The following ULK4 variants were observed in gnomAD, a reference collection of about 807,000 sequenced individuals.
ULK4 encodes unc-51 like kinase 4.
A neutral mutation model predicts 160.6 loss-of-function variants in ULK4; 133 were observed. That is an observed-to-expected ratio of 0.83 (90% CI 0.72 to 0.96). The LOEUF (loss-of-function observed/expected upper bound fraction) is 0.96. Among genes scored for constraint, ULK4 ranks in the 40% least tolerant of loss-of-function variants. The pLI, the probability that ULK4 is intolerant of heterozygous loss-of-function variation, is 0.00. For missense variants in ULK4, 1,580 were observed against 1,499.5 expected, an observed-to-expected ratio of 1.05 and a Z score of -0.89; for synonymous variants, 534 against 539.8, an observed-to-expected ratio of 0.99 and a Z score of 0.15.
intron 31 of ULK4, among the ~76,000 whole-genome samples, chr3:41,585,199 A>G (rs58272131): frequency 0.013 from 2,006 of 152,226 alleles, 48 homozygotes; most frequent in African/African-American, 0.047. Context: ...AAAAGACCTA[A>G]AAAAGCCAAA....
At chr3:41,756,981 T>A (rs1432572149) in intron 21 of ULK4, among the ~76,000 whole-genome samples, 1 of 152,080 alleles carries the variant, frequency 6.6e-6, no homozygotes, top group African/African-American at 2.4e-5. Context: ...AAGAACAAAA[T>A]AAGCGTGAGA....
intron 12 of ULK4, among the ~76,000 whole-genome samples, 197 bp downstream of exon 12, chr3:41,907,648 G>A (rs1178483681): frequency 5.3e-5 from 8 of 152,048 alleles, no homozygotes; most frequent in Non-Finnish European, 8.8e-5. Flanking sequence ...CTCAAGGAAA[G>A]TCCTACCAAA....
At chr3:41,491,571 A>G (rs1198809386) in intron 32 of ULK4, among the ~76,000 whole-genome samples, 1 of 152,294 alleles carries the variant, frequency 6.6e-6, no homozygotes. Context: ...TAACAGCATC[A>G]TTACTAATGA....
intron 17 of ULK4, among the ~76,000 whole-genome samples, chr3:41,851,378 T>G (rs923867843): frequency 6.6e-6 from 1 of 152,170 alleles, no homozygotes; most frequent in African/African-American, 2.4e-5. Context: ...CTGGATTACG[T>G]TGATTGATTT....
chr3:41,285,170 AAC>A (rs1234964024), intron 35 of ULK4, among the ~76,000 whole-genome samples: 2 of 152,200 alleles, frequency 1.3e-5, no homozygotes, highest in African/African-American at 4.8e-5. Flanking sequence ...CACTATGGAA[AAC>A]AGTGTGGAGA....
chr3:41,462,600 A>G (rs1010018657), intron 33 of ULK4, among the ~76,000 whole-genome samples: 2 of 152,198 alleles, frequency 1.3e-5, no homozygotes, highest in Non-Finnish European at 2.9e-5. Context: ...TCACAAGTCC[A>G]TGGTATCAGT....
rs1391797447 is a variant in ULK4 at position 41,726,570 on chromosome 3, CCAAATAAACTG to C, written c.2322-8720_2322-8710del. Among the ~76,000 whole-genome samples the C allele has an allele frequency of 1.9e-4, 29 of 152,290 alleles. 1 individual carries two copies. The East Asian group carries it at 2.9e-3, about 15-fold the overall frequency. On this transcript the variant is annotated intron_variant, in intron 22 of 36. Transcript: ENST00000301831. ...AAAAGATAACACACTGAAAAGAAAT[CCAAATAAACTG>C]CAAATAAACAAGGTCAGATCAATTC...
chr3:41,345,163 T>C (rs2080774013), intron 35 of ULK4, among the ~76,000 whole-genome samples: 1 of 152,352 alleles, frequency 6.6e-6, no homozygotes, highest in Admixed American at 6.5e-5. Context: ...GGAACACTTT[T>C]ACACTGTTGG....
At chr3:41,446,767 A>G (rs1008287972) in intron 34 of ULK4, among the ~76,000 whole-genome samples, 1 of 151,232 alleles carries the variant, frequency 6.6e-6, no homozygotes, top group African/African-American at 2.4e-5. Flanking sequence ...TAGGAGATAT[A>G]CCTAATGTTA....
At chr3:41,399,134 T>C (rs1357590294) in intron 34 of ULK4, among the ~76,000 whole-genome samples, 1 of 152,212 alleles carries the variant, frequency 6.6e-6, no homozygotes, top group East Asian at 1.9e-4. Context: ...GTACCAGCAA[T>C]GCATGAAATT....
chr3:41,849,638 T>C (rs983386096), intron 17 of ULK4, among the ~76,000 whole-genome samples: 9 of 152,120 alleles, frequency 5.9e-5, no homozygotes. Flanking sequence ...TAATGTAAAC[T>C]ACAGACTTTG....
At chr3:41,400,343 G>C (rs910959950) in intron 34 of ULK4, among the ~76,000 whole-genome samples, 1 of 151,678 alleles carries the variant, frequency 6.6e-6, no homozygotes, top group Non-Finnish European at 1.5e-5. Flanking sequence ...TCCCATTATA[G>C]TAAGAGCCAA....
At chr3:41,516,276 A>C (rs2125927692) in intron 32 of ULK4, among the ~76,000 whole-genome samples, 1 of 152,332 alleles carries the variant, frequency 6.6e-6, no homozygotes, top group African/African-American at 2.4e-5. Flanking sequence ...AGATTTGAAA[A>C]TAAGTATTAA....
In ULK4 at chr3:41,267,413, T is replaced by C. The variant is rs149722052; in HGVS notation, c.3679-17839A>G. The stretch of plus-strand genomic sequence containing the variant: ...CACATTTTCTTTATCCGGTCTATCA[T>C]TGGTGGGCATTTGGGTTGGTTCCAT... On this transcript the variant is annotated intron_variant, in intron 35 of 36. Transcript: ENST00000301831. Among the ~76,000 whole-genome samples the C allele has an allele frequency of 3.5e-4, 53 of 152,302 alleles. No individual in the cohort carries two copies. In the South Asian group the frequency reaches 5.4e-3, roughly 15 times the overall value.
At chr3:41,805,434 G>A (rs931121681) in intron 19 of ULK4, among the ~76,000 whole-genome samples, 11 of 152,156 alleles carry the variant, frequency 7.2e-5, no homozygotes, top group Admixed American at 4.6e-4. Context: ...TGCAAACAGG[G>A]ACAATTTGAC....
chr3:41,882,168 A>G, intron 17 of ULK4: 1 of 701,888 alleles, frequency 1.4e-6, no homozygotes, highest in Non-Finnish European at 2.6e-6. Context: ...ATACAGTTTT[A>G]TTTATTTTGA....
intron 30 of ULK4, among the ~76,000 whole-genome samples, chr3:41,618,465 ACATT>A: frequency 6.6e-6 from 1 of 152,356 alleles, no homozygotes; most frequent in African/African-American, 2.4e-5. Context: ...GTGGGGGCCA[ACATT>A]CAACATTCTT....
intron 30 of ULK4, among the ~76,000 whole-genome samples, chr3:41,618,493 T>G (rs1480323632): frequency 6.6e-6 from 1 of 152,204 alleles, no homozygotes; most frequent in East Asian, 1.9e-4. Context: ...GAAAAGAATT[T>G]TCAACCCAGA....
At chr3:41,652,913 T>C (rs915246736) in intron 30 of ULK4, among the ~76,000 whole-genome samples, 5 of 152,200 alleles carry the variant, frequency 3.3e-5, no homozygotes, top group Admixed American at 1.3e-4. Context: ...TTCACATTGA[T>C]TGTGGGGCTT....
Sources: gnomAD v4.1 joint callset for allele counts (sites outside exome capture counted in the v4.1 genomes callset) on GRCh38, gnomAD v4.1.1 for gene constraint, MANE v1.5 for transcripts, NCBI Gene and HGNC (gene_info 2026-07-23, HGNC 2026-07-21) for gene names.